Variants in SPAG16 observed in about 807,000 individuals in gnomAD.
The protein encoded by SPAG16 is sperm-associated antigen 16 protein.
SPAG16 carries 86 observed loss-of-function variants against 80.4 expected under a neutral mutation model. That is an observed-to-expected ratio of 1.07 (90% confidence interval 0.90 to 1.28). SPAG16 has a LOEUF of 1.28. SPAG16 is among the 50% of genes most tolerant of loss of function. The pLI is 0.00. For missense variants in SPAG16, 870 were observed against 765.3 expected (o/e 1.14, Z -1.61); for synonymous variants, 294 against 265.9 (o/e 1.11, Z -1.03).
chr2:213,994,628 T>G (rs2106462604), intron 12 of SPAG16, among the ~76,000 whole-genome samples: 1 of 152,074 alleles, frequency 6.6e-6, no homozygotes, highest in South Asian at 2.1e-4. Flanking sequence ...CTATTAAACC[T>G]TCTGTTTCCA....
intron 10 of SPAG16, among the ~76,000 whole-genome samples, chr2:213,845,915 G>T (rs2125769447): frequency 6.6e-6 from 1 of 152,274 alleles, no homozygotes; most frequent in South Asian, 2.1e-4. Context: ...GACTGGGACA[G>T]GTAGATATCT....
intron 10 of SPAG16, among the ~76,000 whole-genome samples, chr2:213,696,399 G>A (rs910099251): frequency 6.6e-6 from 1 of 152,092 alleles, no homozygotes; most frequent in Non-Finnish European, 1.5e-5. Context: ...TTCAGTACCC[G>A]ATGTCTTGTG....
chr2:214,077,353 T>C (rs998504446), intron 13 of SPAG16, among the ~76,000 whole-genome samples: 5 of 152,216 alleles, frequency 3.3e-5, no homozygotes, highest in Admixed American at 1.3e-4. Context: ...CATTTGTTCT[T>C]CTAAACACAT....
chr2:213,696,301 T>G (rs2065150007), intron 10 of SPAG16, among the ~76,000 whole-genome samples: 1 of 152,218 alleles, frequency 6.6e-6, no homozygotes, highest in South Asian at 2.1e-4. Context: ...TTTAGATGCT[T>G]TATTAGGCAT....
intron 9 of SPAG16, among the ~76,000 whole-genome samples, chr2:213,404,340 G>A (rs546689278): frequency 6.6e-6 from 1 of 152,144 alleles, no homozygotes; most frequent in South Asian, 2.1e-4. Context: ...AAACAGCATG[G>A]TACTGGTACC....
chr2:214,337,089 A>G (rs1697347512), intron 15 of SPAG16, among the ~76,000 whole-genome samples: 1 of 150,712 alleles, frequency 6.6e-6, no homozygotes, highest in Admixed American at 6.7e-5. Context: ...TCATACTGGG[A>G]CTCCATTGGA....
intron 15 of SPAG16, among the ~76,000 whole-genome samples, chr2:214,164,177 C>G (rs1412401026): frequency 6.6e-6 from 1 of 152,032 alleles, no homozygotes; most frequent in East Asian, 1.9e-4. Context: ...TATATCTGCT[C>G]TCATAGAACT....
intron 15 of SPAG16, among the ~76,000 whole-genome samples, chr2:214,324,472 T>C (rs1191643680): frequency 6.6e-6 from 1 of 152,154 alleles, no homozygotes; most frequent in East Asian, 1.9e-4. Context: ...TCTAAGAATA[T>C]CCTAGGACTT....
intron 13 of SPAG16, among the ~76,000 whole-genome samples, chr2:214,074,560 A>C (rs536612921): frequency 2.6e-5 from 4 of 152,182 alleles, no homozygotes; most frequent in Non-Finnish European, 5.9e-5. Context: ...GAAGATAGAA[A>C]CACTTTCAAT....
rs557872323 is a variant in SPAG16, at chr2:213,764,627, C to T, written c.1071-97858C>T. ...TTCATTTTTCTGGCTGGCTTTTCTC[C>T]GAATTCAGTTCTGGTGTTACTATCT... On this transcript the variant is annotated intron_variant, in intron 10 of 15. Coordinates refer to ENST00000331683, the MANE Select transcript of SPAG16 (RefSeq NM_024532.5). Among the ~76,000 whole-genome samples, 201 of 151,940 alleles carry T rather than the reference C, an allele frequency of 1.3e-3. No individual in the cohort carries two copies. In the Middle Eastern group the frequency reaches 0.014, roughly 10 times the overall value.
At chr2:213,608,711 T>G (rs1045351814) in intron 10 of SPAG16, among the ~76,000 whole-genome samples, 9 of 152,032 alleles carry the variant, frequency 5.9e-5, no homozygotes, top group African/African-American at 2.2e-4. Context: ...GGAGGTGGAG[T>G]CTCGCTCTGT....
At chr2:213,649,919 T>A (rs947806829) in intron 10 of SPAG16, among the ~76,000 whole-genome samples, 1 of 152,082 alleles carries the variant, frequency 6.6e-6, no homozygotes, top group African/African-American at 2.4e-5. Flanking sequence ...CATCCAGTTA[T>A]TCAGGATTTA....
intron 12 of SPAG16, among the ~76,000 whole-genome samples, chr2:213,979,637 C>T (rs189790960): frequency 1.3e-5 from 2 of 152,188 alleles, no homozygotes; most frequent in East Asian, 1.9e-4. Context: ...GAAACCGCCT[C>T]CCTGATCCAA....
At chr2:214,349,748 T>G (rs1233585130) in intron 15 of SPAG16, among the ~76,000 whole-genome samples, 1 of 152,220 alleles carries the variant, frequency 6.6e-6, no homozygotes, top group African/African-American at 2.4e-5. Context: ...AAATGTAGTG[T>G]TGTCAATCTT....
chr2:214,094,767 C>G (rs2052468101), intron 13 of SPAG16, among the ~76,000 whole-genome samples: 1 of 152,022 alleles, frequency 6.6e-6, no homozygotes, highest in Non-Finnish European at 1.5e-5. Context: ...TCTGTGCCTG[C>G]CCAACAATGT....
chr2:214,095,603 T>A (rs532955193), intron 13 of SPAG16, among the ~76,000 whole-genome samples: 8 of 152,260 alleles, frequency 5.3e-5, no homozygotes, highest in African/African-American at 1.9e-4. Context: ...TTTCTGAATA[T>A]GTGTTTTCAT....
chr2:214,236,485 C>G (rs1176604149), intron 15 of SPAG16, among the ~76,000 whole-genome samples: 6 of 151,986 alleles, frequency 3.9e-5, no homozygotes, highest in Non-Finnish European at 8.8e-5. Context: ...AACCTCATCT[C>G]TACTAAAAAT....
intron 15 of SPAG16, among the ~76,000 whole-genome samples, chr2:214,224,875 T>C (rs1011730847): frequency 6.6e-6 from 1 of 152,142 alleles, no homozygotes; most frequent in African/African-American, 2.4e-5. Context: ...GGGCTTATCT[T>C]CTAGTGAGGG....
intron 10 of SPAG16, among the ~76,000 whole-genome samples, chr2:213,695,612 A>G (rs914667063): frequency 1.3e-5 from 2 of 152,244 alleles, no homozygotes; most frequent in Non-Finnish European, 2.9e-5. Context: ...GATATATCAG[A>G]TAGTGAGTAC....
Sources: gnomAD v4.1 joint callset for allele counts (sites outside exome capture counted in the v4.1 genomes callset) on GRCh38, gnomAD v4.1.1 for gene constraint, MANE v1.5 for transcripts, NCBI Gene and HGNC (gene_info 2026-07-23, HGNC 2026-07-21) for gene names.